Variants in ARMC2 observed in about 807,000 individuals in gnomAD.
The protein encoded by ARMC2 is armadillo repeat containing 2, also known as armadillo repeat-containing protein 2.
ARMC2 carries 67 observed loss-of-function variants against 90.3 expected under a neutral mutation model. The ratio of observed to expected loss-of-function variants is 0.74; its 90% confidence interval spans 0.61 to 0.91. The LOEUF is 0.91. Ranked by LOEUF, ARMC2 falls within the 40% of genes least tolerant of loss-of-function variation. The probability of loss-of-function intolerance (pLI) is 0.00; values close to 1 mark genes in which losing one functional copy is unlikely to be tolerated. For synonymous variants in ARMC2, 393 were observed against 393.0 expected, an observed-to-expected ratio of 1.00 and a Z score of 0.00; for missense variants, 920 against 1,030.9, an observed-to-expected ratio of 0.89 and a Z score of 1.47.
chr6:108,900,475 A>G (rs1432026953), intron 7 of ARMC2, among the ~76,000 whole-genome samples: 2 of 152,314 alleles, frequency 1.3e-5, no homozygotes, highest in African/African-American at 4.8e-5. Flanking sequence ...TCATAGCCCT[A>G]GGGAGAGCCC....
intron 17 of ARMC2, 40 bp downstream of exon 17, chr6:108,965,180 G>T: frequency 6.5e-7 from 1 of 1,548,854 alleles, no homozygotes; most frequent in Non-Finnish European, 8.8e-7. Context: ...AGTTTTATCA[G>T]AGTGTGAGAT....
the ARMC2 span, among the ~76,000 whole-genome samples, chr6:109,038,909 G>A: frequency 7.0e-6 from 1 of 143,164 alleles, no homozygotes; most frequent in African/African-American, 2.8e-5. Context: ...GGAGAAAAAA[G>A]GAAGGAGGAG....
the ARMC2 span, among the ~76,000 whole-genome samples, chr6:108,996,887 C>T: frequency 2.0e-5 from 3 of 152,048 alleles, no homozygotes; most frequent in Admixed American, 2.0e-4. Context: ...AAGCCATGAA[C>T]AGACATGGAA....
chr6:108,879,813 C>A, intron 5 of ARMC2: 1 of 421,276 alleles, frequency 2.4e-6, no homozygotes, highest in South Asian at 1.8e-5. Flanking sequence ...GTTTGGTTCT[C>A]TCTCAGCCAC....
chr6:108,985,304 C>T, the ARMC2 span, among the ~76,000 whole-genome samples: 1 of 152,050 alleles, frequency 6.6e-6, no homozygotes, highest in Non-Finnish European at 1.5e-5. Context: ...GATTTTAACT[C>T]TTGAATCCTG....
At chr6:108,998,399 A>T in the ARMC2 span, 1 of 1,233,422 alleles carries the variant, frequency 8.1e-7, no homozygotes, top group South Asian at 1.4e-5. Context: ...ATAGGGGCCC[A>T]ATATCTCCAC....
chr6:108,928,204 C>T lies in ARMC2; in HGVS notation c.1467C>T (p.Asp489=), dbSNP rs113318076. Residue 489 remains aspartate (D), a synonymous_variant, in exon 11 of 18, where the codon GAC becomes GAT. Coordinates refer to ENST00000392644, the MANE Select transcript of ARMC2 (RefSeq NM_032131.6). ...TAMEQYKGDK[D]VCTNIARIFS... The stretch of plus-strand genomic sequence containing the variant: ...TGGAACAGTACAAGGGTGACAAGGA[C>T]GTCTGTACCAATATTGCCAGAATAT... The T allele has an allele frequency of 9.5e-6, 15 of 1,574,322 alleles. No individual in the cohort carries two copies. Among genetic ancestry groups the T allele is most frequent in the African/African-American group, 6.8e-5 (5 of 73,700 alleles).
chr6:109,038,990 GGAGGAGGA>G, the ARMC2 span, among the ~76,000 whole-genome samples: 1 of 149,884 alleles, frequency 6.7e-6, no homozygotes, highest in Non-Finnish European at 1.5e-5. Context: ...AGAAGAAGGA[GGAGGAGGA>G]GAAAAGAAGA....
At chr6:108,894,660 C>A in intron 6 of ARMC2, 117 bp downstream of exon 6, 10 of 717,226 alleles carry the variant, frequency 1.4e-5, no homozygotes, top group East Asian at 7.9e-5. Flanking sequence ...AATTTGGTCA[C>A]AAATCAACAT....
intron 1 of ARMC2, among the ~76,000 whole-genome samples, chr6:108,853,662 GT>G (rs1774229348): frequency 6.6e-6 from 1 of 152,138 alleles, no homozygotes; most frequent in East Asian, 1.9e-4. Context: ...GAAAGGATCA[GT>G]TGGTATTGAT....
At chr6:108,932,482 ATTAT>A (rs1413215236) in intron 11 of ARMC2, among the ~76,000 whole-genome samples, 1 of 110,520 alleles carries the variant, frequency 9.0e-6, no homozygotes, top group African/African-American at 3.7e-5. Flanking sequence ...TTACCCCGTG[ATTAT>A]TTATTAAACA....
the ARMC2 span, among the ~76,000 whole-genome samples, chr6:109,025,581 C>T: frequency 2.0e-5 from 3 of 149,890 alleles, no homozygotes; most frequent in East Asian, 5.9e-4. Flanking sequence ...GTTCAATATG[C>T]TTTTTAAAAC....
At chr6:108,916,373 A>G (rs1773971812) in intron 10 of ARMC2, among the ~76,000 whole-genome samples, 1 of 152,190 alleles carries the variant, frequency 6.6e-6, no homozygotes, top group Admixed American at 6.5e-5. Context: ...CATGGCCAAC[A>G]TTGCATTCAG....
At position 108,864,180 on chromosome 6, in the gene ARMC2, CAT is replaced by C. The variant is rs1426505428; in HGVS notation, c.292-4642_292-4641del. Among the ~76,000 whole-genome samples, 7 of 151,874 alleles carry C rather than the reference CAT, an allele frequency of 4.6e-5. 1 individual carries two copies. In the South Asian group the frequency reaches 1.2e-3, roughly 27 times the overall value. On this transcript the variant is annotated intron_variant, in intron 3 of 17. Coordinates refer to ENST00000392644, the MANE Select transcript of ARMC2 (RefSeq NM_032131.6). ...ACCCCAGTGTACCTGTGGAGAAAAT[CAT>C]AGTTAATAGAAATGCACACAGAACT...
intron 10 of ARMC2, among the ~76,000 whole-genome samples, chr6:108,916,989 A>G (rs1198058854): frequency 6.6e-6 from 1 of 152,152 alleles, no homozygotes; most frequent in Non-Finnish European, 1.5e-5. Context: ...GGAAATCTCA[A>G]TGTACTTACA....
At chr6:108,874,206 TGTA>T (rs1776715599) in intron 4 of ARMC2, among the ~76,000 whole-genome samples, 1 of 152,230 alleles carries the variant, frequency 6.6e-6, no homozygotes, top group African/African-American at 2.4e-5. Flanking sequence ...AGCTCTTCGT[TGTA>T]GTAATACCTG....
chr6:109,007,719 C>T, the ARMC2 span, among the ~76,000 whole-genome samples: 1 of 147,206 alleles, frequency 6.8e-6, no homozygotes, highest in Non-Finnish European at 1.5e-5. Context: ...GCAAAATGTA[C>T]TAACAATTAT....
chr6:109,006,969 A>G, the ARMC2 span, among the ~76,000 whole-genome samples: 1 of 152,234 alleles, frequency 6.6e-6, no homozygotes, highest in East Asian at 1.9e-4. Context: ...ACTGCCACCA[A>G]CAAATGGCCT....
intron 12 of ARMC2, 132 bp downstream of exon 12, chr6:108,937,131 T>C: frequency 1.3e-6 from 1 of 754,440 alleles, no homozygotes; most frequent in Non-Finnish European, 2.1e-6. Flanking sequence ...TATAATGGGC[T>C]GTCCTGGGAA....
Sources: gnomAD v4.1 joint callset for allele counts (sites outside exome capture counted in the v4.1 genomes callset) on GRCh38, gnomAD v4.1.1 for gene constraint, MANE v1.5 for transcripts, NCBI Gene and HGNC (gene_info 2026-07-23, HGNC 2026-07-21) for gene names.